Variants in PXDNL observed in about 807,000 individuals in gnomAD.
PXDNL encodes the protein probable oxidoreductase PXDNL.
A neutral mutation model predicts 150.8 loss-of-function variants in PXDNL; 145 were observed. The ratio of observed to expected loss-of-function variants is 0.96; its 90% CI spans 0.84 to 1.10. The LOEUF is 1.10. Ranked by LOEUF, PXDNL falls within the 50% of genes least tolerant of loss-of-function variation. PXDNL has a pLI of 0.00. For synonymous variants in PXDNL, 757 were observed against 725.7 expected (o/e 1.04, Z -0.69); for missense variants, 2,087 against 1,873.9 (o/e 1.11, Z -2.10).
At chr8:51,447,353 C>G (rs1252844490) in intron 11 of PXDNL, among the ~76,000 whole-genome samples, 191 bp from the exon 12 acceptor site, 1 of 152,122 alleles carries the variant, frequency 6.6e-6, no homozygotes, top group Non-Finnish European at 1.5e-5. Context: ...CCCCGAAACT[C>G]TGCCACTGTA....
chr8:51,743,849 G>T (rs2036932970), intron 1 of PXDNL, among the ~76,000 whole-genome samples: 1 of 145,486 alleles, frequency 6.9e-6, no homozygotes, highest in Non-Finnish European at 1.5e-5. Context: ...TGTTTATCTT[G>T]GTCATTTGGG....
intron 2 of PXDNL, among the ~76,000 whole-genome samples, chr8:51,625,927 C>T (rs771663176): frequency 3.9e-5 from 6 of 152,178 alleles, no homozygotes; most frequent in Non-Finnish European, 5.9e-5. Context: ...GACTATCTTA[C>T]AGTCTTTGAG....
chr8:51,589,266 T>C (rs1469768966), intron 3 of PXDNL, among the ~76,000 whole-genome samples: 2 of 152,204 alleles, frequency 1.3e-5, no homozygotes, highest in Non-Finnish European at 2.9e-5. Flanking sequence ...CTAAGACAGA[T>C]AATTGGTATT....
chr8:51,322,003 A>T (rs1805333787), intron 21 of PXDNL, among the ~76,000 whole-genome samples: 1 of 152,092 alleles, frequency 6.6e-6, no homozygotes, highest in African/African-American at 2.4e-5. Flanking sequence ...CTAACCCAAT[A>T]ACATTGGTGT....
chr8:51,604,946 CA>C (rs1162595132), intron 2 of PXDNL, among the ~76,000 whole-genome samples: 5 of 151,948 alleles, frequency 3.3e-5, no homozygotes, highest in Non-Finnish European at 4.4e-5. Context: ...TAATCCATGA[CA>C]ATTATATAAA....
intron 1 of PXDNL, among the ~76,000 whole-genome samples, chr8:51,805,489 T>C (rs2037666791): frequency 6.7e-6 from 1 of 149,362 alleles, no homozygotes; most frequent in African/African-American, 2.4e-5. Flanking sequence ...TGAATGGAAA[T>C]TGGAAGAGCT....
At chr8:51,668,840 A>G (rs1284143994) in intron 1 of PXDNL, among the ~76,000 whole-genome samples, 1 of 152,240 alleles carries the variant, frequency 6.6e-6, no homozygotes, top group Middle Eastern at 3.2e-3. Context: ...TTATAGAAAT[A>G]TTAGCTAGTC....
chr8:51,431,033 A>C (rs1809234371), intron 12 of PXDNL, among the ~76,000 whole-genome samples: 1 of 152,118 alleles, frequency 6.6e-6, no homozygotes, highest in South Asian at 2.1e-4. Flanking sequence ...TCAGACTATA[A>C]ATTCCTCAAC....
At chr8:51,610,651 T>C (rs1563482950) in intron 2 of PXDNL, among the ~76,000 whole-genome samples, 1 of 152,230 alleles carries the variant, frequency 6.6e-6, no homozygotes, top group Non-Finnish European at 1.5e-5. Context: ...TGTTGCATCC[T>C]CTGCTAAGCG....
chr8:51,792,469 T>C (rs959836566), intron 1 of PXDNL, among the ~76,000 whole-genome samples: 7 of 152,204 alleles, frequency 4.6e-5, no homozygotes, highest in African/African-American at 9.6e-5. Flanking sequence ...GTCCCAAGCA[T>C]AGAGCTGTGC....
chr8:51,598,603 G>A (rs1259858512), intron 2 of PXDNL, among the ~76,000 whole-genome samples: 2 of 152,092 alleles, frequency 1.3e-5, no homozygotes, highest in Non-Finnish European at 2.9e-5. Flanking sequence ...TGTGATCATG[G>A]TGAACTAATT....
intron 3 of PXDNL, among the ~76,000 whole-genome samples, chr8:51,590,256 G>C (rs191920270): frequency 6.6e-6 from 1 of 152,028 alleles, no homozygotes; most frequent in Non-Finnish European, 1.5e-5. Flanking sequence ...CCTTCACCTA[G>C]ATTTCAAAGG....
chr8:51,473,274 A>ACACACACAC (rs138310321), intron 7 of PXDNL, among the ~76,000 whole-genome samples: 1 of 133,940 alleles, frequency 7.5e-6, no homozygotes, highest in Non-Finnish European at 1.6e-5. Context: ...GTAGAAAATA[A>ACACACACAC]ACACACACAC....
chr8:51,647,950 A>C (rs559571593), intron 2 of PXDNL, among the ~76,000 whole-genome samples: 1 of 152,296 alleles, frequency 6.6e-6, no homozygotes, highest in East Asian at 1.9e-4. Flanking sequence ...GCACTGTAAA[A>C]TATTGAATAT....
intron 17 of PXDNL, among the ~76,000 whole-genome samples, chr8:51,375,053 GTGT>G (rs1254962017): frequency 2.6e-5 from 4 of 152,130 alleles, no homozygotes; most frequent in African/African-American, 4.8e-5. Context: ...AAGTGTGTGT[GTGT>G]TATGTCATGT....
chr8:51,370,549 C>G (rs369137727), intron 19 of PXDNL, among the ~76,000 whole-genome samples: 180 of 152,310 alleles, frequency 1.2e-3, no homozygotes, highest in African/African-American at 4.0e-3. Flanking sequence ...CCCCGGGGTA[C>G]CACATTCCTT....
At chr8:51,608,386 CAAA>C (rs760838357) in intron 2 of PXDNL, among the ~76,000 whole-genome samples, 34 of 75,396 alleles carry the variant, frequency 4.5e-4, no homozygotes, top group Admixed American at 7.4e-4. Context: ...GAGACTCCGT[CAAA>C]AAAAAAAAAA....
At chr8:51,482,797 A>G (rs1034193321) in intron 6 of PXDNL, among the ~76,000 whole-genome samples, 1 of 152,168 alleles carries the variant, frequency 6.6e-6, no homozygotes, top group East Asian at 1.9e-4. Context: ...CTCCCCAGCC[A>G]TGAGGAACTG....
intron 19 of PXDNL, among the ~76,000 whole-genome samples, chr8:51,369,076 G>A (rs1286002915): frequency 6.6e-6 from 1 of 152,164 alleles, no homozygotes; most frequent in Non-Finnish European, 1.5e-5. Context: ...GATTAGCAAA[G>A]GAGAGGGAAG....
Sources: allele counts gnomAD v4.1 joint callset (sites outside exome capture counted in the v4.1 genomes callset), GRCh38; gene constraint gnomAD v4.1.1; transcripts MANE v1.5; gene names NCBI Gene and HGNC (gene_info 2026-07-23, HGNC 2026-07-21).